Variants in CEP164 observed in about 807,000 individuals in gnomAD.
The protein encoded by CEP164 is centrosomal protein 164.
Under a neutral mutation model 182.7 loss-of-function variants are expected in CEP164, and 162 were observed. That is an observed-to-expected ratio of 0.89 (90% CI 0.78 to 1.01). The LOEUF is 1.01. CEP164 is among the 50% of genes least tolerant of loss of function. CEP164 has a pLI of 0.00. For synonymous variants in CEP164, 661 were observed against 690.0 expected (o/e 0.96, Z 0.66); for missense variants, 1,735 against 1,790.4 (o/e 0.97, Z 0.56).
Position 117,409,061 on chromosome 11 carries a change from G to A in CEP164, c.3748+33G>A. ...GGGGAGATGCGGGGTGAGGACCATG[G>A]TATCCATGGAATGGGAGGAACTTGG... On this transcript the variant is annotated intron_variant, in intron 29 of 32. Transcript: ENST00000278935. This position sits in a 1 kb window ranked among gnomAD's most constrained non-coding sequence, Gnocchi z 4.4. 1 of 1,613,296 alleles carries A rather than the reference G, an allele frequency of 6.2e-7. No homozygotes were observed. The highest frequency in any genetic ancestry group is 8.5e-7 in the Non-Finnish European group (1 of 1,179,552).
intron 8 of CEP164, among the ~76,000 whole-genome samples, chr11:117,363,798 G>A (rs1450098773): frequency 8.9e-6 from 1 of 112,830 alleles, no homozygotes; most frequent in Non-Finnish European, 1.7e-5. Context: ...AAGAGACAGA[G>A]CCTCACTCTT....
At chr11:117,410,994 G>GT in intron 31 of CEP164, 100 bp downstream of exon 31, 1 of 1,084,674 alleles carries the variant, frequency 9.2e-7, no homozygotes, top group Non-Finnish European at 1.4e-6. Flanking sequence ...AGACCTCCTG[G>GT]TCTTACCCCA....
intron 19 of CEP164, 68 bp from the exon 20 acceptor site, chr11:117,392,936 G>A: frequency 1.2e-6 from 2 of 1,601,954 alleles, no homozygotes; most frequent in East Asian, 2.2e-5. Context: ...AGACCTTCAG[G>A]TGCAGCAGGC....
rs560342451 is a variant in CEP164, at chr11:117,396,572, C to A, written c.3239C>A (p.Ser1080Tyr). 1.2e-6 allele frequency: 2 copies of A among 1,613,838 alleles called. No individual in the cohort carries two copies. The highest frequency in any genetic ancestry group is 8.5e-7 in the Non-Finnish European group (1 of 1,179,712). Residue 1080 changes from serine (S) to tyrosine (Y), a missense_variant, in exon 26 of 33, where the codon TCT (serine) becomes TAT (tyrosine). Coordinates refer to ENST00000278935, the MANE Select transcript of CEP164 (RefSeq NM_014956.5). ...TAGAACCAGACCAAAGAGGTGTCTTCTTCTCTCTCCCAGAGCAAGGAGGAC... is the reference window on the plus strand; with the variant it reads ...TAGAACCAGACCAAAGAGGTGTCTTATTCTCTCTCCCAGAGCAAGGAGGAC... ...LGTNQTKEVSSSLSQSKEDLY... is the reference protein window; with the variant it reads ...LGTNQTKEVSYSLSQSKEDLY...
intron 9 of CEP164, among the ~76,000 whole-genome samples, chr11:117,372,108 A>ATTTT (rs33975593): frequency 0.015 from 1,951 of 133,278 alleles, 57 homozygotes; most frequent in African/African-American, 0.049. Flanking sequence ...AGTTCAGGGT[A>ATTTT]TTTTTTTTTT....
chr11:117,405,890 CATCT>C (rs2046619846), intron 27 of CEP164, among the ~76,000 whole-genome samples: 1 of 152,206 alleles, frequency 6.6e-6, no homozygotes, highest in Non-Finnish European at 1.5e-5. Flanking sequence ...TCCTCATCTC[CATCT>C]GAGACCACCT....
intron 1 of CEP164, among the ~76,000 whole-genome samples, chr11:117,333,954 A>AT (rs987132991): frequency 3.3e-5 from 5 of 152,106 alleles, no homozygotes; most frequent in African/African-American, 1.2e-4. Context: ...GGACTTTTGC[A>AT]TGCATCTGTT....
intron 15 of CEP164, 138 bp downstream of exon 15, chr11:117,387,550 C>G: frequency 4.0e-6 from 3 of 755,108 alleles, no homozygotes; most frequent in Non-Finnish European, 6.5e-6. Flanking sequence ...CTTGACCCAA[C>G]AATTTCTGCT....
intron 20 of CEP164, among the ~76,000 whole-genome samples, 167 bp downstream of exon 20, chr11:117,393,293 T>C (rs1260523703): frequency 1.3e-5 from 2 of 152,224 alleles, no homozygotes; most frequent in Non-Finnish European, 2.9e-5. Context: ...TCAGGGATTG[T>C]GGGAGGTTTT....
rs1034160543 is a variant in CEP164 at position 117,335,140 on chromosome 11, C to G, written c.-97-465C>G. Among the ~76,000 whole-genome samples the G allele has an allele frequency of 3.3e-5, 5 of 152,176 alleles. No homozygotes were observed. In the South Asian group the frequency reaches 8.3e-4, roughly 25 times the overall value. On this transcript the variant is annotated intron_variant, in intron 1 of 32. Transcript: ENST00000278935. ...CCATCTGCCACCCGGGTTCCTGGTC[C>G]TTTTCTGCTCAGCTTTTTAGTCAGC... is the stretch of plus-strand genomic sequence containing the variant.
intron 20 of CEP164, 144 bp downstream of exon 20, chr11:117,393,270 G>A (rs901317513): frequency 1.8e-5 from 25 of 1,375,918 alleles, no homozygotes; most frequent in Non-Finnish European, 2.4e-5. Context: ...CAGAGGAAGG[G>A]GATAAACTGT....
intron 11 of CEP164, among the ~76,000 whole-genome samples, chr11:117,379,632 G>A (rs1031717576): frequency 9.9e-5 from 15 of 152,100 alleles, no homozygotes; most frequent in African/African-American, 3.4e-4. Flanking sequence ...TATATGAGCT[G>A]ATTTAATCCT....
chr11:117,391,102 C>G lies in CEP164; in HGVS notation c.2170C>G (p.Gln724Glu). The G allele has an allele frequency of 6.2e-7, 1 of 1,614,048 alleles. No homozygotes were observed. The highest frequency in any genetic ancestry group is 8.5e-7 in the Non-Finnish European group (1 of 1,179,996). ...LEQKNRQMLE[Q>E]LKEEIEASEK... ...ACAGAAAAATAGGCAAATGCTGGAG[C>G]AGCTCAAGGAAGAGATAGAGGCTTC... The change falls in exon 17 of 33, where the codon CAG becomes GAG. Residue 724 changes from glutamine to glutamate, a missense_variant. Transcript: ENST00000278935.
chr11:117,322,557 CCTTTTT>C (rs1345417037), intron 1 of CEP164, among the ~76,000 whole-genome samples: 1 of 151,716 alleles, frequency 6.6e-6, no homozygotes, highest in Non-Finnish European at 1.5e-5. Context: ...TCCTCCTTTT[CCTTTTT>C]CTTTTTTTTT....
At chr11:117,379,114 G>A (rs752119984) in intron 11 of CEP164, among the ~76,000 whole-genome samples, 54 of 152,226 alleles carry the variant, frequency 3.5e-4, no homozygotes, top group Non-Finnish European at 7.1e-4. Flanking sequence ...GGTGGGGCAG[G>A]AAAGGCTGCG....
At chr11:117,336,349 G>A in intron 2 of CEP164, 1 of 1,450,726 alleles carries the variant, frequency 6.9e-7, no homozygotes, top group South Asian at 1.1e-5. Context: ...CATGCCAGGA[G>A]CCAAGAGATT....
chr11:117,344,654 C>T (rs866432202), intron 4 of CEP164, among the ~76,000 whole-genome samples: 16 of 152,270 alleles, frequency 1.1e-4, no homozygotes, highest in South Asian at 6.2e-4. Flanking sequence ...TTGCCGGGTA[C>T]GGTGGCCCAC....
intron 5 of CEP164, chr11:117,355,718 C>A: frequency 1.7e-6 from 2 of 1,181,428 alleles, no homozygotes; most frequent in Non-Finnish European, 2.1e-6. Context: ...ACCTCCTGGA[C>A]TGTGGATGGA....
rs1338246093 is a variant in CEP164 at position 117,409,954 on chromosome 11, A to G, written c.4085A>G (p.Lys1362Arg). 4 of 1,614,012 alleles carry G rather than the reference A, an allele frequency of 2.5e-6. No homozygotes were observed. The highest frequency in any genetic ancestry group is 3.3e-5 in the Admixed American group (2 of 60,012). ...VDDFLLEKWR[K>R]YFPSGIPLLS... ...GACTTCCTGTTGGAGAAGTGGCGCA[A>G]GTATTTTCCATGTAAGCCCCACTCT... Residue 1362 changes from lysine (K) to arginine (R), a missense_variant, in exon 30 of 33, where the codon AAG (lysine) becomes AGG (arginine). By Grantham distance (26) the Lys-to-Arg change is conservative. Transcript: ENST00000278935. This position sits in a 1 kb window ranked among gnomAD's most constrained non-coding sequence, Gnocchi z 4.4.
Sources: allele counts gnomAD v4.1 joint callset (sites outside exome capture counted in the v4.1 genomes callset), GRCh38; gene constraint gnomAD v4.1.1; non-coding constraint Gnocchi (gnomAD v3.1); transcripts MANE v1.5; gene names NCBI Gene and HGNC (gene_info 2026-07-23, HGNC 2026-07-21).